SCHIP1: variants seen among roughly 807,000 people sequenced by gnomAD.
SCHIP1 encodes schwannomin interacting protein 1.
A neutral mutation model predicts 29.7 loss-of-function variants in SCHIP1; 8 were observed. The observed-to-expected ratio is 0.27, with a 90% CI of 0.16 to 0.49. The LOEUF is 0.49. SCHIP1 is among the 20% of genes least tolerant of loss of function. SCHIP1 has a pLI of 0.99. For missense variants in SCHIP1, 193 were observed against 294.6 expected, an observed-to-expected ratio of 0.66 and a Z score of 2.52; for synonymous variants, 76 against 94.9, an observed-to-expected ratio of 0.80 and a Z score of 1.16.
the SCHIP1 span, among the ~76,000 whole-genome samples, chr3:159,616,155 C>T: frequency 6.6e-6 from 1 of 152,180 alleles, no homozygotes; most frequent in Non-Finnish European, 1.5e-5. Flanking sequence ...GAGTTTGGGG[C>T]TTACAAGCTC....
the SCHIP1 span, among the ~76,000 whole-genome samples, chr3:159,336,294 C>T: frequency 0.011 from 1,699 of 151,990 alleles, 19 homozygotes; most frequent in South Asian, 0.033. Flanking sequence ...TTCTGTAGGT[C>T]GCCTGTTCAC....
the SCHIP1 span, among the ~76,000 whole-genome samples, chr3:159,381,437 C>T: frequency 0.81 from 123,635 of 152,100 alleles, 50,504 homozygotes; most frequent in African/African-American, 0.85. Flanking sequence ...GCCAAAAAAC[C>T]TGGAGTCATC....
the SCHIP1 span, among the ~76,000 whole-genome samples, chr3:159,735,868 G>C: frequency 6.6e-6 from 1 of 152,186 alleles, no homozygotes; most frequent in African/African-American, 2.4e-5. Flanking sequence ...GAGACGTGTT[G>C]AGAGTCCACA....
the SCHIP1 span, among the ~76,000 whole-genome samples, chr3:159,634,988 C>T: frequency 6.6e-5 from 10 of 152,090 alleles, no homozygotes; most frequent in Non-Finnish European, 1.2e-4. Context: ...TAAATGCACA[C>T]GTTTTAGTAG....
At chr3:159,489,920 GA>G in the SCHIP1 span, among the ~76,000 whole-genome samples, 1 of 151,988 alleles carries the variant, frequency 6.6e-6, no homozygotes, top group Admixed American at 6.6e-5. Context: ...TAATTTTGTA[GA>G]AAGGAGATTG....
At chr3:159,769,260 T>G in the SCHIP1 span, among the ~76,000 whole-genome samples, 1 of 124,680 alleles carries the variant, frequency 8.0e-6, no homozygotes, top group Non-Finnish European at 1.6e-5. Context: ...CAAAAGGCTC[T>G]GTGGACCTGT....
the SCHIP1 span, among the ~76,000 whole-genome samples, chr3:159,277,668 C>T: frequency 0.78 from 117,949 of 151,950 alleles, 46,942 homozygotes; most frequent in African/African-American, 0.93. Context: ...ACGACTGTAA[C>T]CCCAGCACTT....
the SCHIP1 span, among the ~76,000 whole-genome samples, chr3:159,362,392 G>A: frequency 1.3e-5 from 2 of 152,168 alleles, no homozygotes; most frequent in Admixed American, 1.3e-4. Context: ...TGCACAGCAC[G>A]GGAGACAATT....
chr3:159,613,526 G>C, the SCHIP1 span, among the ~76,000 whole-genome samples: 5 of 152,286 alleles, frequency 3.3e-5, no homozygotes, highest in East Asian at 9.6e-4. Flanking sequence ...AAATATTCCT[G>C]TTTGAAGGCA....
the SCHIP1 span, among the ~76,000 whole-genome samples, chr3:159,810,223 T>A: frequency 7.2e-5 from 11 of 151,974 alleles, no homozygotes; most frequent in Non-Finnish European, 1.3e-4. Flanking sequence ...TTTTTTGTAT[T>A]TTTAATAGAG....
At chr3:159,387,240 C>T in the SCHIP1 span, 17 of 199,898 alleles carry the variant, frequency 8.5e-5, no homozygotes, top group Non-Finnish European at 1.6e-4. Context: ...ACCTGGTCCA[C>T]TGGCCAGCAA....
the SCHIP1 span, among the ~76,000 whole-genome samples, chr3:159,600,970 T>G: frequency 6.6e-6 from 1 of 152,348 alleles, no homozygotes; most frequent in East Asian, 1.9e-4. Flanking sequence ...CTCAAAGGGT[T>G]AGTGTGTGGC....
chr3:159,492,555 A>G, the SCHIP1 span, among the ~76,000 whole-genome samples: 1 of 152,228 alleles, frequency 6.6e-6, no homozygotes. Flanking sequence ...TAGAGAAAAA[A>G]GAATAAAAAG....
At chr3:159,617,691 T>G in the SCHIP1 span, among the ~76,000 whole-genome samples, 1,873 of 152,298 alleles carry the variant, frequency 0.012, 25 homozygotes, top group Non-Finnish European at 0.015. Flanking sequence ...GCTCACTCAT[T>G]TCTCCTGAAA....
chr3:159,384,745 C>G, the SCHIP1 span, among the ~76,000 whole-genome samples: 1 of 151,834 alleles, frequency 6.6e-6, no homozygotes, highest in South Asian at 2.1e-4. Flanking sequence ...GTTCTGGACT[C>G]TTTTTGGTTG....
the SCHIP1 span, among the ~76,000 whole-genome samples, chr3:159,482,056 A>G: frequency 6.6e-6 from 1 of 152,170 alleles, no homozygotes; most frequent in Non-Finnish European, 1.5e-5. Context: ...TGGGGTATAC[A>G]AGATTAGAAA....
chr3:159,750,474 A>T, the SCHIP1 span, among the ~76,000 whole-genome samples: 2 of 152,052 alleles, frequency 1.3e-5, no homozygotes, highest in African/African-American at 4.8e-5. Flanking sequence ...AGATCCTGAG[A>T]TGGGGATTTG....
intron 2 of SCHIP1, among the ~76,000 whole-genome samples, chr3:159,867,144 A>G (rs1025137244): frequency 1.3e-5 from 2 of 152,226 alleles, no homozygotes; most frequent in Non-Finnish European, 2.9e-5. Flanking sequence ...GAATGTTTTT[A>G]CTAAGATGAT....
the SCHIP1 span, among the ~76,000 whole-genome samples, chr3:159,565,510 A>T: frequency 6.6e-6 from 1 of 152,080 alleles, no homozygotes; most frequent in Non-Finnish European, 1.5e-5. Flanking sequence ...TAGTGGCAGC[A>T]TGTCAATTCT....
Sources: gnomAD v4.1 joint callset for allele counts (sites outside exome capture counted in the v4.1 genomes callset) on GRCh38, gnomAD v4.1.1 for gene constraint, MANE v1.5 for transcripts, NCBI Gene and HGNC (gene_info 2026-07-23, HGNC 2026-07-21) for gene names.